The following RNF141 variants were observed in gnomAD, a reference collection of about 807,000 sequenced individuals.
RNF141 encodes ring finger protein 141.
A neutral mutation model predicts 27.4 loss-of-function variants in RNF141; 18 were observed. The observed-to-expected ratio is 0.66, with a 90% CI of 0.45 to 0.97. The LOEUF (loss-of-function observed/expected upper bound fraction) is 0.97. Among genes scored for constraint, RNF141 ranks in the 50% least tolerant of loss-of-function variants. The probability of loss-of-function intolerance (pLI) is 0.00; values close to 1 mark genes in which losing one functional copy is unlikely to be tolerated. For synonymous variants in RNF141, 97 were observed against 96.6 expected (o/e 1.00, Z -0.02); for missense variants, 230 against 279.4 (o/e 0.82, Z 1.26).
intron 3 of RNF141, among the ~76,000 whole-genome samples, chr11:10,529,089 C>T (rs1849964077): frequency 6.6e-6 from 1 of 152,158 alleles, no homozygotes; most frequent in Non-Finnish European, 1.5e-5. Context: ...AAATACCATT[C>T]CTTCTTTTCA....
In RNF141 at chr11:10,526,790, A is replaced by G. The variant is rs549627902; in HGVS notation, c.253-1417T>C. On this transcript the variant is annotated intron_variant, in intron 3 of 5. Coordinates refer to ENST00000265981, the MANE Select transcript of RNF141 (RefSeq NM_016422.4). ...GAGCAAGACTACGTCTCAAAAAAAA[A>G]AAAAAAGAATGAGTCATATACCATA... is the stretch of plus-strand genomic sequence containing the variant. Among the ~76,000 whole-genome samples the G allele has an allele frequency of 2.0e-5, 3 of 152,252 alleles. No homozygotes were observed. In the East Asian group the frequency reaches 5.8e-4, roughly 29 times the overall value.
intron 4 of RNF141, among the ~76,000 whole-genome samples, chr11:10,521,336 A>G (rs1849886342): frequency 6.6e-6 from 1 of 152,214 alleles, no homozygotes. Flanking sequence ...AAGCTCTTTG[A>G]ATATAGGGTG....
intron 1 of RNF141, among the ~76,000 whole-genome samples, chr11:10,537,537 C>T (rs1850047763): frequency 6.6e-6 from 1 of 152,078 alleles, no homozygotes; most frequent in Non-Finnish European, 1.5e-5. Context: ...ATTTCTCTCC[C>T]TCTGCTCTCT....
rs567466133 is a variant in RNF141, at chr11:10,541,156, G to C, written c.-82C>G. ...AAGGCATCGCGCACCCTGCGGCAGC[G>C]GCTGCGCTGCCTCAGCCCACAGCTC... is the stretch of plus-strand genomic sequence containing the variant. On this transcript the variant is annotated 5_prime_UTR_variant, in exon 1 of 6. Transcript: ENST00000265981. 1 of 152,376 alleles carries C rather than the reference G, an allele frequency of 6.6e-6. No homozygotes were observed. Among genetic ancestry groups the C allele is most frequent in the Non-Finnish European group, 1.5e-5 (1 of 68,194 alleles). 9.4% of individuals were successfully genotyped at this position (152,376 alleles called of 1,614,324 possible).
chr11:10,531,597 C>T (rs1213033154), intron 2 of RNF141, among the ~76,000 whole-genome samples: 1 of 152,134 alleles, frequency 6.6e-6, no homozygotes, highest in Non-Finnish European at 1.5e-5. Flanking sequence ...CCTCCCCTAG[C>T]AGAGTAATTT....
intron 4 of RNF141, among the ~76,000 whole-genome samples, chr11:10,521,138 C>T (rs558174480): frequency 1.3e-5 from 2 of 152,350 alleles, no homozygotes; most frequent in Non-Finnish European, 2.9e-5. Context: ...CAGAGAGCCC[C>T]TGAATGAGCC....
chr11:10,524,210 T>C (rs866481747), intron 4 of RNF141, among the ~76,000 whole-genome samples: 9 of 151,968 alleles, frequency 5.9e-5, no homozygotes, highest in African/African-American at 1.5e-4. Context: ...GGTTGGGAAA[T>C]GGAGACCGTC....
rs1849825895 is a variant in RNF141, at chr11:10,514,321, G to A, written c.*595C>T. On this transcript the variant is annotated 3_prime_UTR_variant, in exon 6 of 6. Transcript: ENST00000265981. ...ACAAACAAACAAACCTTTAAGTACA[G>A]TAGTTCCAAAACACACTGCTAAAGT... The A allele has an allele frequency of 6.6e-6, 1 of 152,370 alleles. No homozygotes were observed. Among genetic ancestry groups the A allele is most frequent in the South Asian group, 2.1e-4 (1 of 4,828 alleles). The allele number at this position is 152,370 out of a possible 1,614,324, so 9.4% of individuals were successfully genotyped here.
chr11:10,526,900 C>T (rs1849941179), intron 3 of RNF141, among the ~76,000 whole-genome samples: 2 of 151,852 alleles, frequency 1.3e-5, no homozygotes, highest in South Asian at 4.2e-4. Flanking sequence ...TGCAAATATA[C>T]AAGGTTCTTT....
chr11:10,528,619 T>C (rs1849959948), intron 3 of RNF141, among the ~76,000 whole-genome samples: 2 of 152,182 alleles, frequency 1.3e-5, no homozygotes, highest in African/African-American at 2.4e-5. Context: ...ATTGGCCTCT[T>C]CAATGTGAGC....
chr11:10,537,395 A>C (rs1449481580), intron 1 of RNF141, among the ~76,000 whole-genome samples: 1 of 152,238 alleles, frequency 6.6e-6, no homozygotes, highest in African/African-American at 2.4e-5. Flanking sequence ...ATTCTAGTCA[A>C]CCAGGCTGAA....
At chr11:10,538,623 G>C (rs1189905476) in intron 1 of RNF141, among the ~76,000 whole-genome samples, 5 of 152,158 alleles carry the variant, frequency 3.3e-5, no homozygotes, top group East Asian at 3.8e-4. Context: ...AGATACACAA[G>C]CACTCAATAG....
chr11:10,529,292 C>T (rs1218281850), intron 3 of RNF141, among the ~76,000 whole-genome samples: 2 of 152,194 alleles, frequency 1.3e-5, no homozygotes. Flanking sequence ...TTAATTTAAC[C>T]AATCCTGCAG....
At chr11:10,517,612 CAG>C (rs534574990) in intron 5 of RNF141, 201 of 151,922 alleles carry the variant, frequency 1.3e-3, no homozygotes, top group African/African-American at 4.6e-3. Context: ...ACCTTAAAAA[CAG>C]AGGGAAAAAA....
At chr11:10,525,052 A>C in intron 4 of RNF141, 140 bp downstream of exon 4, 1 of 597,544 alleles carries the variant, frequency 1.7e-6, no homozygotes, top group Non-Finnish European at 2.7e-6. Flanking sequence ...AATAACCCCA[A>C]AACTGATCTC....
intron 2 of RNF141, among the ~76,000 whole-genome samples, chr11:10,531,566 CT>C (rs147796725): frequency 1.3e-5 from 2 of 152,124 alleles, no homozygotes; most frequent in East Asian, 3.8e-4. Context: ...ATTTGAGACA[CT>C]TTATATATAG....
At chr11:10,517,017 G>A (rs929736656) in intron 5 of RNF141, 11 of 151,782 alleles carry the variant, frequency 7.2e-5, no homozygotes, top group African/African-American at 2.4e-4. Context: ...ATACAAAAAA[G>A]CAGCAGAAAA....
At chr11:10,525,753 C>T (rs992791395) in intron 3 of RNF141, among the ~76,000 whole-genome samples, 7 of 152,070 alleles carry the variant, frequency 4.6e-5, no homozygotes, top group East Asian at 1.9e-4. Context: ...CTCCAACAAC[C>T]GCATGAGATT....
intron 4 of RNF141, among the ~76,000 whole-genome samples, chr11:10,521,973 G>T (rs1490141436): frequency 6.6e-6 from 1 of 152,152 alleles, no homozygotes; most frequent in Non-Finnish European, 1.5e-5. Flanking sequence ...AACTGATATG[G>T]TACTTCAGGA....
Sources: gnomAD v4.1 joint callset for allele counts (sites outside exome capture counted in the v4.1 genomes callset) on GRCh38, gnomAD v4.1.1 for gene constraint, MANE v1.5 for transcripts, NCBI Gene and HGNC (gene_info 2026-07-23, HGNC 2026-07-21) for gene names.